DIS3L: variants seen among roughly 807,000 people sequenced by gnomAD.
The protein encoded by DIS3L is DIS3 like exosome 3'-5' exoribonuclease.
DIS3L carries 100 observed loss-of-function variants against 120.3 expected under a neutral mutation model. The ratio of observed to expected loss-of-function variants is 0.83; its 90% CI spans 0.71 to 0.98. The LOEUF is 0.98. Ranked by LOEUF, DIS3L falls within the 50% of genes least tolerant of loss-of-function variation. The pLI is 0.00. For missense variants in DIS3L, 1,196 were observed against 1,314.2 expected (o/e 0.91, Z 1.39); for synonymous variants, 426 against 470.6 (o/e 0.91, Z 1.23).
upstream of DIS3L, chr15:66,293,484 G>C: frequency 8.1e-7 from 1 of 1,234,056 alleles, no homozygotes; most frequent in Non-Finnish European, 1.0e-6. Context: ...CCCCGGGCGC[G>C]GCAGTTACGG....
chr15:66,329,629 T>G, intron 14 of DIS3L: 1 of 1,228,014 alleles, frequency 8.1e-7, no homozygotes, highest in Non-Finnish European at 1.0e-6. Flanking sequence ...ATGTAAAGAT[T>G]CAAGCAACGC....
chr15:66,303,416 G>T (rs1325369280), intron 2 of DIS3L, among the ~76,000 whole-genome samples: 1 of 152,148 alleles, frequency 6.6e-6, no homozygotes, highest in Non-Finnish European at 1.5e-5. Context: ...AGATGCAGTG[G>T]GATGTCTAGT....
intron 3 of DIS3L, among the ~76,000 whole-genome samples, chr15:66,308,305 A>T (rs1419111807): frequency 6.6e-6 from 1 of 152,164 alleles, no homozygotes; most frequent in African/African-American, 2.4e-5. Flanking sequence ...TTGGATTATG[A>T]TCTTCAGCTA....
At chr15:66,308,885 A>G (rs1566941998) in intron 4 of DIS3L, 41 bp downstream of exon 4, 8 of 1,584,456 alleles carry the variant, frequency 5.0e-6, no homozygotes, top group Non-Finnish European at 6.9e-6. Context: ...CTCATTTTCT[A>G]AGTAGTACCC....
chr15:66,313,863 G>GTA (rs1442284079), intron 5 of DIS3L, among the ~76,000 whole-genome samples, 176 bp from the exon 6 acceptor site: 27 of 120,028 alleles, frequency 2.2e-4, no homozygotes, highest in Admixed American at 1.5e-3. Context: ...ATATATATGT[G>GTA]TGTATATATA....
chr15:66,313,865 G>A (rs189539223), intron 5 of DIS3L, among the ~76,000 whole-genome samples, 174 bp from the exon 6 acceptor site: 2,052 of 131,890 alleles, frequency 0.016, 55 homozygotes, highest in Admixed American at 0.069. Flanking sequence ...ATATATGTGT[G>A]TATATATATA....
chr15:66,331,951 A>T lies in DIS3L; in HGVS notation c.2612A>T (p.Glu871Val), dbSNP rs147697627. The stretch of plus-strand genomic sequence containing the variant: ...TTCAAAGACAAAGACCCTGCCACCG[A>T]GGAGCGTTGCATATCTGACGGAGTT... ...MYFKDKDPAT[E>V]ERCISDGVIY... The change falls in exon 15 of 17, where the codon GAG (glutamate) becomes GTG (valine). Residue 871 changes from glutamate (E) to valine (V), a missense_variant. Coordinates refer to ENST00000319212, the MANE Select transcript of DIS3L (RefSeq NM_001143688.3). 36 of 1,613,574 alleles carry T rather than the reference A, an allele frequency of 2.2e-5. No homozygotes were observed. The African/African-American group carries it at 3.1e-4, about 14-fold the overall frequency.
Position 66,326,236 on chromosome 15 carries a change from G to C in DIS3L, c.2073G>C (p.Trp691Cys). 6.2e-7 allele frequency: 1 copy of C among 1,614,170 alleles called. No homozygotes were observed. Among genetic ancestry groups the C allele is most frequent in the Non-Finnish European group, 8.5e-7 (1 of 1,180,030 alleles). ...AATGCATGATCCTGGCCAACCACTG[G>C]GTCGCCAAAAAGATCTGGGAGAGCT... ...VAECMILANH[W>C]VAKKIWESFP... Residue 691 changes from tryptophan to cysteine, a missense_variant, in exon 12 of 17, where the codon TGG becomes TGC. Physicochemically the swap from Trp to Cys is radical, Grantham distance 215 (BLOSUM62 -2). Transcript: ENST00000319212.
Position 66,322,682 on chromosome 15 carries a change from T to C in DIS3L, c.1327-5T>C, listed in dbSNP as rs768971177. The C allele has an allele frequency of 5.0e-6, 8 of 1,613,560 alleles. No homozygotes were observed. In the Admixed American group the frequency reaches 8.3e-5, roughly 17 times the overall value. The stretch of plus-strand genomic sequence containing the variant: ...GAATTGCTGAATATTTGGTTTCTCA[T>C]ACAGATGTGTGAGATGCCAGTAAAC... On this transcript the variant is annotated splice_region_variant and splice_polypyrimidine_tract_variant and intron_variant, in intron 9 of 16. Transcript: ENST00000319212.
chr15:66,315,228 CA>C lies in DIS3L; in HGVS notation c.994+14del, dbSNP rs2092805623. 1 of 1,586,004 alleles carries C rather than the reference CA, an allele frequency of 6.3e-7. No homozygotes were observed. The highest frequency in any genetic ancestry group is 1.7e-5 in the Admixed American group (1 of 58,410). ...CCCATGCCTACAGGTGAGCCAGCTG[CA>C]GAGCCACTCCGATGTCCATTTTTCT... On this transcript the variant is annotated intron_variant, in intron 7 of 16. Coordinates refer to ENST00000319212, the MANE Select transcript of DIS3L (RefSeq NM_001143688.3).
At chr15:66,327,709 A>C (rs946521651) in intron 12 of DIS3L, among the ~76,000 whole-genome samples, 5 of 152,082 alleles carry the variant, frequency 3.3e-5, no homozygotes, top group African/African-American at 1.2e-4. Flanking sequence ...GCACCACTGC[A>C]CTCCAGCCTG....
chr15:66,331,633 G>A (rs1055044273), intron 14 of DIS3L: 4 of 315,530 alleles, frequency 1.3e-5, no homozygotes, highest in Non-Finnish European at 2.2e-5. Context: ...CAAATTTGCT[G>A]ATCTCTAATT....
chr15:66,317,301 G>GAAC (rs1437657912), intron 7 of DIS3L, among the ~76,000 whole-genome samples: 7 of 125,154 alleles, frequency 5.6e-5, no homozygotes, highest in Non-Finnish European at 9.7e-5. Flanking sequence ...CCTGTACCTA[G>GAAC]AACAAAGCCT....
chr15:66,329,427 C>CCTGT (rs778924115), intron 14 of DIS3L, 28 bp downstream of exon 14: 1 of 1,587,066 alleles, frequency 6.3e-7, no homozygotes, highest in Non-Finnish European at 8.6e-7. Context: ...AATTCTCTTA[C>CCTGT]CTGTCATCTC....
intron 2 of DIS3L, among the ~76,000 whole-genome samples, chr15:66,305,381 C>T (rs183025683): frequency 2.6e-5 from 4 of 152,116 alleles, no homozygotes; most frequent in East Asian, 1.9e-4. Context: ...TAACAAGATT[C>T]GTTGGGGAGT....
chr15:66,293,770 C>G, intron 1 of DIS3L, 35 bp downstream of exon 1: 1 of 1,153,432 alleles, frequency 8.7e-7, no homozygotes, highest in Non-Finnish European at 1.1e-6. Flanking sequence ...ACGGGGCCGG[C>G]GGGAGCGGGC....
chr15:66,297,860 A>T (rs1458830813), intron 2 of DIS3L, among the ~76,000 whole-genome samples: 2 of 151,942 alleles, frequency 1.3e-5, no homozygotes, highest in African/African-American at 2.4e-5. Flanking sequence ...TCCATATTTC[A>T]TGCCTCAGTT....
chr15:66,306,678 T>C (rs1370583047), intron 2 of DIS3L, 146 bp from the exon 3 acceptor site: 7 of 1,183,230 alleles, frequency 5.9e-6, no homozygotes, highest in Non-Finnish European at 8.2e-6. Flanking sequence ...CTGAGCACAC[T>C]GAGACCAATA....
At chr15:66,312,050 T>C in intron 5 of DIS3L, 150 bp downstream of exon 5, 1 of 929,598 alleles carries the variant, frequency 1.1e-6, no homozygotes, top group South Asian at 1.8e-5. Context: ...CTAGAAAAAA[T>C]TTAAAAATTA....
Sources: allele counts gnomAD v4.1 joint callset (sites outside exome capture counted in the v4.1 genomes callset), GRCh38; gene constraint gnomAD v4.1.1; transcripts MANE v1.5; gene names NCBI Gene and HGNC (gene_info 2026-07-23, HGNC 2026-07-21).